Variants in RUVBL1 observed in about 807,000 individuals in gnomAD.
RUVBL1 encodes the protein ruvB-like 1.
RUVBL1 carries 4 observed loss-of-function variants against 52.4 expected under a neutral mutation model. The observed-to-expected ratio is 0.08, with a 90% CI of 0.04 to 0.17. The LOEUF (loss-of-function observed/expected upper bound fraction) is 0.17, where lower values mean the gene tolerates loss of function less well. RUVBL1 is among the 10% of genes least tolerant of loss of function. RUVBL1 has a pLI of 1.00. For missense variants in RUVBL1, 298 were observed against 572.8 expected (o/e 0.52, Z 4.90); for synonymous variants, 217 against 214.4 (o/e 1.01, Z -0.10).
At chr3:128,103,147 C>G (rs1332769286) in intron 4 of RUVBL1, among the ~76,000 whole-genome samples, 1 of 152,234 alleles carries the variant, frequency 6.6e-6, no homozygotes, top group Non-Finnish European at 1.5e-5. Context: ...AAAATTTCAT[C>G]TTCTCCTCTA....
intron 1 of RUVBL1, among the ~76,000 whole-genome samples, chr3:128,148,231 T>A (rs893014185): frequency 6.6e-6 from 1 of 152,162 alleles, no homozygotes; most frequent in African/African-American, 2.4e-5. Context: ...AAGGGTGAAT[T>A]TTACTGTTGC....
At chr3:128,113,893 GGAAT>G (rs1313656614) in intron 2 of RUVBL1, among the ~76,000 whole-genome samples, 1 of 152,172 alleles carries the variant, frequency 6.6e-6, no homozygotes, top group African/African-American at 2.4e-5. Flanking sequence ...AAATAATGAA[GGAAT>G]GAATGAATGG....
At chr3:128,064,951 C>T in exon 10 of RUVBL1, 3 of 1,614,192 alleles carry the variant, frequency 1.9e-6, no homozygotes, top group South Asian at 1.1e-5. Flanking sequence ...CCGAGCCCTT[C>T]GGGAGGCGTT....
intron 9 of RUVBL1, chr3:128,070,936 A>G (rs1395769868): frequency 6.6e-6 from 1 of 152,280 alleles, no homozygotes; most frequent in African/African-American, 2.4e-5. Context: ...TAAGATCCTG[A>G]GGAGCTCGAG....
chr3:128,069,001 A>T (rs551653578), intron 9 of RUVBL1: 1 of 152,680 alleles, frequency 6.5e-6, no homozygotes, highest in African/African-American at 2.4e-5. Flanking sequence ...AATTTAGTTC[A>T]TTCTCTTAAT....
chr3:128,127,574 C>T (rs1370299256), upstream of RUVBL1, among the ~76,000 whole-genome samples: 1 of 152,212 alleles, frequency 6.6e-6, no homozygotes, highest in Non-Finnish European at 1.5e-5. Flanking sequence ...GGTCAAGCCT[C>T]CCTCTGCCTT....
chr3:128,108,955 A>G (rs1269720952), intron 3 of RUVBL1, among the ~76,000 whole-genome samples: 1 of 152,240 alleles, frequency 6.6e-6, no homozygotes. Context: ...GAAGCAAGAC[A>G]CAAGGAACAC....
chr3:128,149,742 G>A (rs1944158318), intron 1 of RUVBL1, among the ~76,000 whole-genome samples: 1 of 152,164 alleles, frequency 6.6e-6, no homozygotes, highest in Non-Finnish European at 1.5e-5. Context: ...AGACCCTTGG[G>A]CCAGCCACAC....
At chr3:128,120,980 CA>C (rs397737928) in intron 1 of RUVBL1, among the ~76,000 whole-genome samples, 334 of 134,102 alleles carry the variant, frequency 2.5e-3, no homozygotes, top group Middle Eastern at 3.9e-3. Context: ...GACTCCCTCT[CA>C]AAAAAAAAAA....
rs772756077 is a variant in RUVBL1, at chr3:128,064,865, C to T, written c.*347G>A. 4.4e-6 allele frequency: 7 copies of T among 1,584,646 alleles called. 1 individual carries two copies. The highest frequency in any genetic ancestry group is 5.2e-6 in the Non-Finnish European group (6 of 1,164,358). On this transcript the variant is annotated 3_prime_UTR_variant, in exon 10 of 10. Transcript: ENST00000464873. Reference sequence around the variant, plus strand: ...TTCGTTCCTTCATATATGTCTCCTCCTCTGCCAACAGGAATGGAATTTGAA... The same window carrying T: ...TTCGTTCCTTCATATATGTCTCCTCTTCTGCCAACAGGAATGGAATTTGAA...
upstream of RUVBL1, among the ~76,000 whole-genome samples, chr3:128,127,946 G>A (rs78799076): frequency 1.7e-4 from 26 of 152,218 alleles, 1 homozygote; most frequent in East Asian, 4.6e-3. Context: ...GCAGTGAGCC[G>A]AGATTGCGCC....
In RUVBL1 at chr3:128,123,563, TC is replaced by T. The variant is rs1160976152; in HGVS notation, c.141+20del. ...AGCAGCCCTGCTTGCAGCCCCCAAC[TC>T]CCTGGTCCACTGGCCACACCTCTCG... On this transcript the variant is annotated intron_variant, in intron 1 of 10. Transcript: ENST00000322623. The T allele has an allele frequency of 6.3e-7, 1 of 1,576,102 alleles. No individual in the cohort carries two copies. The highest frequency in any genetic ancestry group is 1.4e-5 in the African/African-American group (1 of 73,900).
chr3:128,088,843 G>A (rs1249230723), intron 8 of RUVBL1, among the ~76,000 whole-genome samples: 1 of 152,084 alleles, frequency 6.6e-6, no homozygotes, highest in Non-Finnish European at 1.5e-5. Context: ...AAATTGTTGA[G>A]CATTTAGGTA....
chr3:128,065,706 C>A (rs1277134802), intron 9 of RUVBL1, among the ~76,000 whole-genome samples: 2 of 149,398 alleles, frequency 1.3e-5, no homozygotes, highest in African/African-American at 2.5e-5. Context: ...GGGGCTTTGC[C>A]AGAATTTGCA....
intron 8 of RUVBL1, among the ~76,000 whole-genome samples, chr3:128,095,489 C>T (rs1261870103): frequency 6.6e-6 from 1 of 152,260 alleles, no homozygotes; most frequent in Non-Finnish European, 1.5e-5. Context: ...CATGCTGGAT[C>T]TGGCACACAC....
At position 128,099,032 on chromosome 3, in the gene RUVBL1, C is replaced by T. The variant is rs866049249; in HGVS notation, c.754-87G>A. 1.3e-5 allele frequency: 15 copies of T among 1,130,460 alleles called. 1 individual carries two copies. In the Middle Eastern group the frequency reaches 5.8e-4, roughly 44 times the overall value. 70.0% of individuals were successfully genotyped at this position (1,130,460 alleles called of 1,614,324 possible). A position where few individuals can be genotyped will look rare whatever the true frequency, so the allele number is the denominator to read the frequency against. Reference sequence around the variant, plus strand: ...CCCTGCATCCCACTCATCAACTCAACATGGGATCCTGAGGTATGGAGACCC... The same window carrying T: ...CCCTGCATCCCACTCATCAACTCAATATGGGATCCTGAGGTATGGAGACCC... On this transcript the variant is annotated intron_variant, in intron 6 of 10. Transcript: ENST00000322623.
rs1240897761 is a variant in RUVBL1 at position 128,067,718 on chromosome 3, A to G, written c.940-2498T>C. The G allele has an allele frequency of 2.1e-6, 2 of 949,932 alleles. No homozygotes were observed. The highest frequency in any genetic ancestry group is 3.3e-5 in the African/African-American group (2 of 61,032). The allele number at this position is 949,932 out of a possible 1,614,324, so 58.8% of individuals were successfully genotyped here. A position where few individuals can be genotyped will look rare whatever the true frequency, so the allele number is the denominator to read the frequency against. On this transcript the variant is annotated intron_variant, in intron 9 of 9. Coordinates refer to the RUVBL1 transcript ENST00000464873. This position sits in a 1 kb window ranked among gnomAD's most constrained non-coding sequence, Gnocchi z 4.1. ...ATAATGGTCTGTGACGTGTGCAGAT[A>G]GATCGTCGTCCTTTAGGGGGCAGTT...
At chr3:128,149,976 T>C (rs538319316) in intron 1 of RUVBL1, among the ~76,000 whole-genome samples, 1 of 152,342 alleles carries the variant, frequency 6.6e-6, no homozygotes, top group Non-Finnish European at 1.5e-5. Context: ...CAGCCCCACC[T>C]CGCCACGTGC....
chr3:128,067,362 C>T lies in RUVBL1; in HGVS notation c.940-2142G>A. Reference sequence around the variant, plus strand: ...TTTCATCTGCTCAGAACTATTTTTGCCTTGATGCTAAAGTAAAATGAAGGA... The same window carrying T: ...TTTCATCTGCTCAGAACTATTTTTGTCTTGATGCTAAAGTAAAATGAAGGA... On this transcript the variant is annotated intron_variant, in intron 9 of 9. Coordinates refer to the RUVBL1 transcript ENST00000464873. This position sits in a 1 kb window ranked among gnomAD's most constrained non-coding sequence, Gnocchi z 4.1. 1.3e-6 allele frequency: 2 copies of T among 1,536,840 alleles called. No individual in the cohort carries two copies. The highest frequency in any genetic ancestry group is 1.9e-5 in the Admixed American group (1 of 51,878).
Sources: gnomAD v4.1 joint callset for allele counts (sites outside exome capture counted in the v4.1 genomes callset) on GRCh38, gnomAD v4.1.1 for gene constraint, Gnocchi (gnomAD v3.1) non-coding constraint, MANE v1.5 for transcripts, NCBI Gene and HGNC (gene_info 2026-07-23, HGNC 2026-07-21) for gene names.